NUCB1: variants seen among roughly 807,000 people sequenced by gnomAD.
NUCB1 encodes the protein nucleobindin 1, also known as nucleobindin-1.
Under a neutral mutation model 61.2 loss-of-function variants are expected in NUCB1, and 47 were observed. That is an observed-to-expected ratio of 0.77 (90% CI 0.61 to 0.98). The LOEUF (loss-of-function observed/expected upper bound fraction) is 0.98. NUCB1 is among the 50% of genes least tolerant of loss of function. NUCB1 has a pLI of 0.00. For synonymous variants in NUCB1, 234 were observed against 243.1 expected, an observed-to-expected ratio of 0.96 and a Z score of 0.35; for missense variants, 583 against 605.3, an observed-to-expected ratio of 0.96 and a Z score of 0.39.
rs199832281 is a variant in NUCB1, at chr19:48,904,311, G to A, written c.136-36G>A. On this transcript the variant is annotated intron_variant, in intron 2 of 12. Coordinates refer to ENST00000405315, the MANE Select transcript of NUCB1 (RefSeq NM_006184.6). ...GGAGTGAGGGTGGGGATGGGGATGG[G>A]AGCAGGGGCTGCTATGTCTGTCCTT... 9,103 of 1,406,482 alleles carry A rather than the reference G, an allele frequency of 6.5e-3. 43 individuals are homozygous for A. The highest frequency in any genetic ancestry group is 8.4e-3 in the Non-Finnish European group (8,329 of 991,322). The allele number at this position is 1,406,482 out of a possible 1,614,324, so 87.1% of individuals were successfully genotyped here.
chr19:48,912,737 G>A (rs1206312808), intron 5 of NUCB1, among the ~76,000 whole-genome samples: 1 of 151,420 alleles, frequency 6.6e-6, no homozygotes, highest in Non-Finnish European at 1.5e-5. Context: ...TCGAAAGGCC[G>A]AGGCAGGAGA....
chr19:48,909,588 C>T (rs1184344674), intron 4 of NUCB1, among the ~76,000 whole-genome samples: 2 of 152,082 alleles, frequency 1.3e-5, no homozygotes, highest in African/African-American at 2.4e-5. Flanking sequence ...ATCCTCCAGG[C>T]TAGAGTGCAG....
At chr19:48,909,859 A>G (rs2037452937) in intron 4 of NUCB1, among the ~76,000 whole-genome samples, 1 of 151,604 alleles carries the variant, frequency 6.6e-6, no homozygotes, top group African/African-American at 2.4e-5. Flanking sequence ...TCTGCCTTTT[A>G]TAAGGTCACC....
intron 2 of NUCB1, among the ~76,000 whole-genome samples, chr19:48,903,928 G>A (rs536196015): frequency 6.6e-6 from 1 of 151,152 alleles, no homozygotes; most frequent in African/African-American, 2.4e-5. Flanking sequence ...ATGGATGGGT[G>A]GGTGGGTGGA....
chr19:48,922,367 T>A lies in NUCB1; in HGVS notation c.1329T>A (p.Thr443=). The change falls in exon 13 of 13, where the codon ACT becomes ACA. Residue 443 remains threonine, a synonymous_variant. Transcript: ENST00000405315. ...APAGDQKEVD[T]SEKKLLERLP... ...CCGGTGACCAGAAGGAGGTGGACAC[T>A]TCAGAAAAGAAACTTCTCGAGCGGC... is the stretch of plus-strand genomic sequence containing the variant. The A allele has an allele frequency of 1.2e-6, 2 of 1,613,832 alleles. No individual in the cohort carries two copies. Among genetic ancestry groups the A allele is most frequent in the Non-Finnish European group, 1.7e-6 (2 of 1,179,814 alleles).
chr19:48,905,992 C>T lies in NUCB1; in HGVS notation c.376+107C>T, dbSNP rs1042754154. Reference sequence around the variant, plus strand: ...GCTAGGCAGGTGAGGCCTCCCTCCCCGCTGCGAAATGTGCTGAAATGTGCG... The same window carrying T: ...GCTAGGCAGGTGAGGCCTCCCTCCCTGCTGCGAAATGTGCTGAAATGTGCG... On this transcript the variant is annotated intron_variant, in intron 4 of 12. Transcript: ENST00000405315. 1.7e-5 allele frequency: 21 copies of T among 1,202,478 alleles called. No homozygotes were observed. The African/African-American group carries it at 2.3e-4, about 13-fold the overall frequency. 74.5% of individuals were successfully genotyped at this position (1,202,478 alleles called of 1,614,324 possible).
At chr19:48,907,844 T>C (rs1366926982) in intron 4 of NUCB1, among the ~76,000 whole-genome samples, 5 of 150,974 alleles carry the variant, frequency 3.3e-5, no homozygotes, top group Non-Finnish European at 7.4e-5. Context: ...CCTTCCCGTA[T>C]GCACCCTGAC....
intron 10 of NUCB1, 82 bp from the exon 11 acceptor site, chr19:48,921,072 C>A: frequency 6.9e-7 from 1 of 1,455,318 alleles, no homozygotes; most frequent in Non-Finnish European, 9.3e-7. Context: ...CTCTACACCT[C>A]CCCCATTGGC....
At chr19:48,913,703 C>G (rs1336258864) in intron 7 of NUCB1, 139 bp downstream of exon 7, 3 of 670,426 alleles carry the variant, frequency 4.5e-6, no homozygotes, top group Non-Finnish European at 8.0e-6. Context: ...CCTGGTTGAC[C>G]AGACAGCCCT....
At chr19:48,916,720 A>G (rs1323785553) in intron 7 of NUCB1, among the ~76,000 whole-genome samples, 1 of 152,136 alleles carries the variant, frequency 6.6e-6, no homozygotes, top group Admixed American at 6.6e-5. Context: ...GATCGAGACC[A>G]TCCTGGCCAA....
chr19:48,902,236 G>A (rs971754932), intron 2 of NUCB1, among the ~76,000 whole-genome samples: 2 of 151,642 alleles, frequency 1.3e-5, no homozygotes, highest in African/African-American at 2.4e-5. Flanking sequence ...TCAGCCTCCC[G>A]AGTAGCTGGG....
At chr19:48,914,101 G>A (rs1419275377) in intron 7 of NUCB1, among the ~76,000 whole-genome samples, 4 of 150,708 alleles carry the variant, frequency 2.7e-5, no homozygotes, top group African/African-American at 7.3e-5. Context: ...TCAGCCTCCC[G>A]AGTAGCTGGG....
Position 48,918,726 on chromosome 19 carries a change from A to C in NUCB1, c.758A>C (p.Asp253Ala). 2.5e-6 allele frequency: 4 copies of C among 1,613,314 alleles called. No homozygotes were observed. The highest frequency in any genetic ancestry group is 2.5e-6 in the Non-Finnish European group (3 of 1,179,238). Residue 253 changes from aspartate (D) to alanine (A), a missense_variant and splice_region_variant, in exon 8 of 13, where the codon GAT (aspartate) becomes GCT (alanine). By Grantham distance (126) the Asp-to-Ala change is moderately radical (BLOSUM62 -2). Transcript: ENST00000405315. Reference sequence around the variant, plus strand: ...TACCTTGCTATCCTCTTCCCTTCAGATATCAACAGTGATGGTGTCCTGGAT... The same window carrying C: ...TACCTTGCTATCCTCTTCCCTTCAGCTATCAACAGTGATGGTGTCCTGGAT... ...FNPKTFFILH[D>A]INSDGVLDEQ... is the part of the protein sequence containing the mutation.
intron 2 of NUCB1, among the ~76,000 whole-genome samples, chr19:48,901,492 A>G (rs547049460): frequency 1.3e-5 from 2 of 152,296 alleles, no homozygotes; most frequent in East Asian, 3.9e-4. Flanking sequence ...GGCCAGGCGC[A>G]GTGGCTCATG....
intron 12 of NUCB1, 98 bp from the exon 13 acceptor site, chr19:48,922,220 G>T: frequency 1.0e-6 from 1 of 1,001,442 alleles, no homozygotes. Flanking sequence ...CTGGGGGCTG[G>T]ACCCCTGGGT....
At position 48,919,291 on chromosome 19, in the gene NUCB1, G is replaced by A; in HGVS notation, c.1002+5G>A. ...GACACCGGGGAGGGCTGGGAGGTGA[G>A]AACATGGGGGATACTCGGGGTCCTG... On this transcript the variant is annotated splice_donor_5th_base_variant and intron_variant, in intron 10 of 12. Transcript: ENST00000405315. 2 of 1,606,548 alleles carry A rather than the reference G, an allele frequency of 1.2e-6. No individual in the cohort carries two copies. Among genetic ancestry groups the A allele is most frequent in the South Asian group, 1.1e-5 (1 of 90,908 alleles).
chr19:48,905,924 G>A (rs926748354), intron 4 of NUCB1, 39 bp downstream of exon 4: 1 of 1,437,662 alleles, frequency 7.0e-7, no homozygotes, highest in Non-Finnish European at 9.6e-7. Context: ...GCAGGGAGGG[G>A]TGGGGAAGGG....
chr19:48,909,537 G>T (rs571149348), intron 4 of NUCB1, among the ~76,000 whole-genome samples: 2 of 151,804 alleles, frequency 1.3e-5, no homozygotes, highest in Admixed American at 1.3e-4. Flanking sequence ...GTGAGCCACC[G>T]CGCCCGGCCT....
intron 10 of NUCB1, 88 bp downstream of exon 10, chr19:48,919,374 C>T: frequency 3.1e-6 from 3 of 956,466 alleles, no homozygotes; most frequent in South Asian, 1.6e-5. Context: ...CCTTCTCTTT[C>T]TCTCTGGGTC....
Sources: gnomAD v4.1 joint callset for allele counts (sites outside exome capture counted in the v4.1 genomes callset) on GRCh38, gnomAD v4.1.1 for gene constraint, MANE v1.5 for transcripts, NCBI Gene and HGNC (gene_info 2026-07-23, HGNC 2026-07-21) for gene names.